The following ITPRID1 variants were observed in gnomAD, a reference collection of about 807,000 sequenced individuals.
The protein encoded by ITPRID1 is protein ITPRID1.
A neutral mutation model predicts 95.4 loss-of-function variants in ITPRID1; 96 were observed. The observed-to-expected ratio is 1.01, with a 90% CI of 0.85 to 1.19. The LOEUF is 1.19. Ranked by LOEUF, ITPRID1 falls within the 50% of genes most tolerant of loss-of-function variation. ITPRID1 has a pLI of 0.00. For missense variants in ITPRID1, 1,339 were observed against 1,252.9 expected (o/e 1.07, Z -1.04); for synonymous variants, 510 against 453.6 (o/e 1.12, Z -1.58).
At chr7:31,614,101 C>T (rs1562608828) in intron 10 of ITPRID1, among the ~76,000 whole-genome samples, 1 of 152,190 alleles carries the variant, frequency 6.6e-6, no homozygotes, top group Non-Finnish European at 1.5e-5. Flanking sequence ...TTAAGAACTC[C>T]TTCCCTCTAC....
At chr7:31,597,029 CATA>C (rs1786118025) in intron 10 of ITPRID1, among the ~76,000 whole-genome samples, 1 of 151,324 alleles carries the variant, frequency 6.6e-6, no homozygotes, top group Non-Finnish European at 1.5e-5. Flanking sequence ...GAAAAGAAAA[CATA>C]ATATTAAAAG....
intron 3 of ITPRID1, 25 bp from the exon 4 acceptor site, chr7:31,554,450 C>T (rs1784382903): frequency 1.2e-6 from 2 of 1,609,132 alleles, no homozygotes; most frequent in Non-Finnish European, 1.7e-6. Flanking sequence ...CTTTGACTAA[C>T]TGATCTGTTC....
At chr7:31,651,493 G>A (rs1363794310) in intron 13 of ITPRID1, among the ~76,000 whole-genome samples, 2 of 152,178 alleles carry the variant, frequency 1.3e-5, no homozygotes, top group African/African-American at 2.4e-5. Context: ...AAGACAGGCA[G>A]TCAGGGGCAT....
At chr7:31,550,476 C>T (rs746430837) in intron 2 of ITPRID1, among the ~76,000 whole-genome samples, 12 of 152,146 alleles carry the variant, frequency 7.9e-5, no homozygotes, top group Non-Finnish European at 1.3e-4. Flanking sequence ...CATGCCATAA[C>T]TTGTGCCCTG....
chr7:31,615,136 T>C (rs560139713), intron 10 of ITPRID1, among the ~76,000 whole-genome samples: 2 of 152,268 alleles, frequency 1.3e-5, no homozygotes, highest in South Asian at 2.1e-4. Flanking sequence ...CAGAACTTAG[T>C]CCTTAGAAAC....
Position 31,597,841 on chromosome 7 carries a change from A to G in ITPRID1, c.1228+14650A>G, listed in dbSNP as rs572704221. 3.9e-3 allele frequency among the ~76,000 whole-genome samples: 597 copies of G among 152,300 alleles called. 3 individuals carry two copies. Among genetic ancestry groups the G allele is most frequent in the Non-Finnish European group, 5.9e-3 (398 of 68,000 alleles). ...GAAAGCTAAGACTATTATAAAGATCATGGAGAAGGAATTTTCCCTGCTAGA... is the reference window on the plus strand; with the variant it reads ...GAAAGCTAAGACTATTATAAAGATCGTGGAGAAGGAATTTTCCCTGCTAGA... On this transcript the variant is annotated intron_variant, in intron 10 of 14. Transcript: ENST00000615280.
At chr7:31,569,604 TTCTG>T (rs2128142771) in intron 5 of ITPRID1, among the ~76,000 whole-genome samples, 150 bp from the exon 6 acceptor site, 1 of 152,336 alleles carries the variant, frequency 6.6e-6, no homozygotes, top group Admixed American at 6.5e-5. Context: ...ATTAATTTCA[TTCTG>T]TCTATTCACT....
At chr7:31,530,789 A>G (rs1482950409) in intron 1 of ITPRID1, among the ~76,000 whole-genome samples, 2 of 151,986 alleles carry the variant, frequency 1.3e-5, no homozygotes, top group Non-Finnish European at 2.9e-5. Context: ...AATTATAACA[A>G]GTCCAGAGTT....
intron 12 of ITPRID1, among the ~76,000 whole-genome samples, chr7:31,648,041 TAA>T (rs936762563): frequency 1.3e-5 from 2 of 152,270 alleles, no homozygotes; most frequent in Non-Finnish European, 2.9e-5. Flanking sequence ...TTGTTAATTT[TAA>T]AAAGTGTTAA....
chr7:31,579,777 G>A (rs560061569), intron 9 of ITPRID1, among the ~76,000 whole-genome samples: 12 of 152,150 alleles, frequency 7.9e-5, no homozygotes, highest in Non-Finnish European at 5.9e-5. Flanking sequence ...ATATATGGTT[G>A]TGTACATATA....
At chr7:31,514,535 T>C (rs1230409446) in intron 1 of ITPRID1, among the ~76,000 whole-genome samples, 1 of 152,064 alleles carries the variant, frequency 6.6e-6, no homozygotes, top group Non-Finnish European at 1.5e-5. Context: ...AATATTGTGG[T>C]TTTGAGAGCT....
At chr7:31,570,165 C>G (rs1784935686) in intron 6 of ITPRID1, among the ~76,000 whole-genome samples, 1 of 152,106 alleles carries the variant, frequency 6.6e-6, no homozygotes, top group African/African-American at 2.4e-5. Flanking sequence ...GATTATTATT[C>G]TATTTACTGG....
chr7:31,628,386 A>C (rs981199342), intron 10 of ITPRID1, among the ~76,000 whole-genome samples: 2 of 152,052 alleles, frequency 1.3e-5, no homozygotes, highest in Admixed American at 6.5e-5. Flanking sequence ...ACTCTGATGG[A>C]GCCAGGAATC....
intron 7 of ITPRID1, among the ~76,000 whole-genome samples, chr7:31,573,418 GT>G (rs1462655091): frequency 6.6e-6 from 1 of 151,744 alleles, no homozygotes; most frequent in Non-Finnish European, 1.5e-5. Flanking sequence ...AAAAAAGAAA[GT>G]GTGAACATGA....
chr7:31,611,834 C>A (rs1786881891), intron 10 of ITPRID1, among the ~76,000 whole-genome samples: 2 of 151,850 alleles, frequency 1.3e-5, no homozygotes, highest in Admixed American at 1.3e-4. Flanking sequence ...GTGTGTATTT[C>A]TCTGAGTTTT....
chr7:31,567,271 A>C (rs1784831931), intron 5 of ITPRID1, among the ~76,000 whole-genome samples: 1 of 152,184 alleles, frequency 6.6e-6, no homozygotes, highest in African/African-American at 2.4e-5. Flanking sequence ...AGAATGTTTT[A>C]TTATGAGCAT....
chr7:31,583,048 G>T, intron 9 of ITPRID1, 86 bp from the exon 10 acceptor site: 1 of 905,152 alleles, frequency 1.1e-6, no homozygotes, highest in Non-Finnish European at 1.8e-6. Flanking sequence ...CCTCTTATCA[G>T]TTGCCAGTCT....
chr7:31,558,110 G>T (rs577197208), intron 5 of ITPRID1, among the ~76,000 whole-genome samples: 2 of 149,916 alleles, frequency 1.3e-5, no homozygotes, highest in South Asian at 2.1e-4. Context: ...TAAAAGGATG[G>T]GTTTGGTCCC....
chr7:31,514,353 G>A lies in ITPRID1; in HGVS notation c.-98+233G>A, dbSNP rs574005502. ...AGCTAATAGGCTTCCTTTAAATGCA[G>A]GTGAAATTGATCAGACTGAAGTTGT... On this transcript the variant is annotated intron_variant, in intron 1 of 14. Coordinates refer to ENST00000615280, the MANE Select transcript of ITPRID1 (RefSeq NM_001257967.3). The A allele has an allele frequency of 7.2e-5, 11 of 152,250 alleles. 1 individual carries two copies. In the South Asian group the frequency reaches 2.3e-3, roughly 32 times the overall value. 9.4% of individuals were successfully genotyped at this position (152,250 alleles called of 1,614,324 possible).
Sources: allele counts gnomAD v4.1 joint callset (sites outside exome capture counted in the v4.1 genomes callset), GRCh38; gene constraint gnomAD v4.1.1; transcripts MANE v1.5; gene names NCBI Gene and HGNC (gene_info 2026-07-23, HGNC 2026-07-21).